Variants in AUTS2 observed in about 807,000 individuals in gnomAD.
AUTS2 encodes the protein activator of transcription and developmental regulator AUTS2.
Under a neutral mutation model 112.4 loss-of-function variants are expected in AUTS2, and 17 were observed. The observed-to-expected ratio is 0.15, with a 90% CI of 0.10 to 0.23. The LOEUF (loss-of-function observed/expected upper bound fraction) is 0.23. Among genes scored for constraint, AUTS2 ranks in the 10% least tolerant of loss-of-function variants. The pLI, the probability that AUTS2 is intolerant of heterozygous loss-of-function variation, is 1.00. For synonymous variants in AUTS2, 751 were observed against 702.7 expected (o/e 1.07, Z -1.09); for missense variants, 1,510 against 1,701.6 (o/e 0.89, Z 1.98).
intron 1 of AUTS2, among the ~76,000 whole-genome samples, chr7:69,869,205 A>C (rs1204994710): frequency 6.6e-6 from 1 of 152,176 alleles, no homozygotes; most frequent in African/African-American, 2.4e-5. Flanking sequence ...AGCTGGCAAG[A>C]GAGTCAATTC....
intron 4 of AUTS2, among the ~76,000 whole-genome samples, chr7:70,433,013 C>T (rs997822625): frequency 1.3e-5 from 2 of 152,160 alleles, no homozygotes; most frequent in African/African-American, 4.8e-5. Context: ...GCTTGGCATC[C>T]GTGCTGCTTC....
chr7:69,980,397 T>C (rs1798247002), intron 2 of AUTS2, among the ~76,000 whole-genome samples: 1 of 152,088 alleles, frequency 6.6e-6, no homozygotes, highest in African/African-American at 2.4e-5. Flanking sequence ...TTCCTTGGAG[T>C]TATATAATTG....
chr7:69,852,970 T>G (rs1190647595), intron 1 of AUTS2, among the ~76,000 whole-genome samples: 1 of 152,206 alleles, frequency 6.6e-6, no homozygotes, highest in Non-Finnish European at 1.5e-5. Flanking sequence ...TATTTATGTC[T>G]GCTTTTCTTT....
chr7:69,918,852 A>G (rs1031280642), intron 2 of AUTS2, among the ~76,000 whole-genome samples: 15 of 152,328 alleles, frequency 9.8e-5, no homozygotes, highest in Non-Finnish European at 2.2e-4. Flanking sequence ...TGCAGCTTCC[A>G]CATTCCTTTT....
intron 1 of AUTS2, among the ~76,000 whole-genome samples, chr7:69,704,113 C>T (rs1797947132): frequency 6.6e-6 from 1 of 152,248 alleles, no homozygotes; most frequent in East Asian, 1.9e-4. Context: ...TTTCCTCTCT[C>T]CCAGCTGTTT....
rs187326102 is a variant in AUTS2, at chr7:69,851,591, C to T, written c.310-47695C>T. On this transcript the variant is annotated intron_variant, in intron 1 of 18. Coordinates refer to ENST00000342771, the MANE Select transcript of AUTS2 (RefSeq NM_015570.4). ...ATATCAATTTTGGGAGATTTGATAT[C>T]TTTGCTATACTGAACTTTCCCATCC... 2.6e-5 allele frequency among the ~76,000 whole-genome samples: 4 copies of T among 152,298 alleles called. No homozygotes were observed. In the East Asian group the frequency reaches 7.7e-4, roughly 29 times the overall value.
At chr7:69,877,904 C>T (rs181818407) in intron 1 of AUTS2, among the ~76,000 whole-genome samples, 1 of 152,250 alleles carries the variant, frequency 6.6e-6, no homozygotes, top group East Asian at 1.9e-4. Flanking sequence ...AGGACATCAC[C>T]AGAGTCATGG....
At chr7:69,707,225 T>C (rs1798101130) in intron 1 of AUTS2, among the ~76,000 whole-genome samples, 1 of 152,224 alleles carries the variant, frequency 6.6e-6, no homozygotes, top group African/African-American at 2.4e-5. Context: ...TCTGCATACT[T>C]TTTATACAAA....
intron 5 of AUTS2, among the ~76,000 whole-genome samples, chr7:70,580,231 C>A (rs948588165): frequency 1.2e-4 from 18 of 152,212 alleles, no homozygotes; most frequent in Admixed American, 2.6e-4. Context: ...GGGCTGAAAG[C>A]CAGTCTGACT....
chr7:70,302,315 G>A (rs1584993736), intron 4 of AUTS2, among the ~76,000 whole-genome samples: 1 of 152,056 alleles, frequency 6.6e-6, no homozygotes, highest in South Asian at 2.1e-4. Context: ...TAGGGTGAGA[G>A]GATTGCTTAA....
In AUTS2 at chr7:70,590,122, TTGTG is replaced by T. The variant is rs55775984; in HGVS notation, c.691-108421_691-108418del. Among the ~76,000 whole-genome samples the T allele has an allele frequency of 7.6e-3, 1,088 of 143,578 alleles. 13 individuals are homozygous for T. The highest frequency in any genetic ancestry group is 0.025 in the African/African-American group (955 of 38,600). 94.2% of individuals were successfully genotyped at this position (143,578 alleles called of 152,430 possible). On this transcript the variant is annotated intron_variant, in intron 5 of 18. Transcript: ENST00000342771. ...AGTGGCCAGGAACTTGTTTTTGCAT[TTGTG>T]TGTGTGTGTGTGTGTGTGTGTGTGT...
intron 4 of AUTS2, among the ~76,000 whole-genome samples, chr7:70,218,002 G>T (rs1811263994): frequency 6.6e-6 from 1 of 152,174 alleles, no homozygotes; most frequent in South Asian, 2.1e-4. Flanking sequence ...CAAACTTTAT[G>T]CTGTAAAGGT....
intron 4 of AUTS2, among the ~76,000 whole-genome samples, chr7:70,285,969 A>G (rs1163405917): frequency 5.3e-5 from 8 of 152,238 alleles, no homozygotes; most frequent in Admixed American, 5.2e-4. Flanking sequence ...GGGGCTGTGA[A>G]TGTAGACTAG....
At chr7:69,911,161 G>C (rs1329865927) in intron 2 of AUTS2, among the ~76,000 whole-genome samples, 4 of 152,252 alleles carry the variant, frequency 2.6e-5, no homozygotes, top group Admixed American at 6.5e-5. Flanking sequence ...TGCTGCTGCG[G>C]CAGGGTGGGC....
At chr7:70,084,739 G>C (rs1223765251) in intron 2 of AUTS2, among the ~76,000 whole-genome samples, 1 of 152,008 alleles carries the variant, frequency 6.6e-6, no homozygotes, top group African/African-American at 2.4e-5. Flanking sequence ...TTTCTTGAGT[G>C]TCGAGTTCTT....
At chr7:70,269,085 A>G (rs528741623) in intron 4 of AUTS2, among the ~76,000 whole-genome samples, 1 of 152,226 alleles carries the variant, frequency 6.6e-6, no homozygotes, top group South Asian at 2.1e-4. Flanking sequence ...TTCTGAACCA[A>G]TTATCATCCT....
intron 5 of AUTS2, among the ~76,000 whole-genome samples, chr7:70,662,286 A>G (rs2129542990): frequency 6.6e-6 from 1 of 152,336 alleles, no homozygotes. Context: ...TAGACTCGTA[A>G]GACGGGCTTT....
At chr7:70,662,676 C>A (rs1372409556) in intron 5 of AUTS2, among the ~76,000 whole-genome samples, 1 of 152,110 alleles carries the variant, frequency 6.6e-6, no homozygotes, top group Non-Finnish European at 1.5e-5. Flanking sequence ...AGAGGGTAGG[C>A]AGGTGTTAAG....
At chr7:69,804,208 A>G (rs1055411029) in intron 1 of AUTS2, among the ~76,000 whole-genome samples, 11 of 152,190 alleles carry the variant, frequency 7.2e-5, no homozygotes, top group African/African-American at 2.7e-4. Flanking sequence ...AGGAGGGAAG[A>G]GATGGGAGTG....
Sources: allele counts gnomAD v4.1 joint callset (sites outside exome capture counted in the v4.1 genomes callset), GRCh38; gene constraint gnomAD v4.1.1; transcripts MANE v1.5; gene names NCBI Gene and HGNC (gene_info 2026-07-23, HGNC 2026-07-21).